The following DLC1 variants were observed in gnomAD, a reference collection of about 807,000 sequenced individuals.
DLC1 encodes the protein DLC1 Rho GTPase activating protein.
A neutral mutation model predicts 140.3 loss-of-function variants in DLC1; 54 were observed. The ratio of observed to expected loss-of-function variants is 0.38; its 90% CI spans 0.31 to 0.48. The LOEUF (loss-of-function observed/expected upper bound fraction) is 0.48, where lower values mean the gene tolerates loss of function less well. Ranked by LOEUF, DLC1 falls within the 20% of genes least tolerant of loss-of-function variation. DLC1 has a pLI of 0.96. For synonymous variants in DLC1, 986 were observed against 728.1 expected, an observed-to-expected ratio of 1.35 and a Z score of -5.70; for missense variants, 2,536 against 1,907.0, an observed-to-expected ratio of 1.33 and a Z score of -6.14.
chr8:13,376,691 T>G (rs530157726), intron 4 of DLC1, among the ~76,000 whole-genome samples: 15 of 152,328 alleles, frequency 9.8e-5, no homozygotes, highest in Non-Finnish European at 1.3e-4. Context: ...TTTGTGTCTT[T>G]CTGTAGAATT....
At chr8:13,429,712 A>G (rs926986068) in intron 2 of DLC1, among the ~76,000 whole-genome samples, 4 of 152,188 alleles carry the variant, frequency 2.6e-5, no homozygotes, top group African/African-American at 4.8e-5. Context: ...TCTTGTTAGT[A>G]TCTATTTGGA....
At chr8:13,237,197 A>ATGTG (rs376660880) in intron 5 of DLC1, among the ~76,000 whole-genome samples, 56,226 of 137,948 alleles carry the variant, frequency 0.41, 11,639 homozygotes, top group Middle Eastern at 0.49. Context: ...ATATATATAT[A>ATGTG]TGTGTGTGTG....
At chr8:13,593,656 G>A (rs527890994) in intron 1 of DLC1, among the ~76,000 whole-genome samples, 4 of 152,114 alleles carry the variant, frequency 2.6e-5, no homozygotes, top group South Asian at 2.1e-4. Context: ...ATGGAACCCC[G>A]CCCGATTCAT....
intron 2 of DLC1, among the ~76,000 whole-genome samples, chr8:13,424,467 C>G (rs148204682): frequency 1.3e-5 from 2 of 151,866 alleles, no homozygotes; most frequent in Admixed American, 1.3e-4. Flanking sequence ...CCAGCCTGGG[C>G]GACAGAGAGA....
chr8:13,222,823 A>G (rs992926220), intron 5 of DLC1, among the ~76,000 whole-genome samples: 2 of 152,156 alleles, frequency 1.3e-5, no homozygotes, highest in African/African-American at 4.8e-5. Flanking sequence ...AGCTCACTGT[A>G]GCCACAACCT....
Position 13,532,501 on chromosome 8 carries a change from G to C in DLC1, c.-125-32305C>G, listed in dbSNP as rs79603719. On this transcript the variant is annotated intron_variant, in intron 1 of 1. Transcript: ENST00000631382. ...TTCCATGTACAGATAAAGTAACTGA[G>C]GCTGAATGCTTAACTCACTTGTCAG... 8.9e-3 allele frequency among the ~76,000 whole-genome samples: 1,356 copies of C among 152,346 alleles called. 24 individuals carry two copies. The highest frequency in any genetic ancestry group is 0.032 in the African/African-American group (1,310 of 41,576).
intron 2 of DLC1, among the ~76,000 whole-genome samples, chr8:13,447,871 T>C (rs775096557): frequency 1.7e-4 from 26 of 152,080 alleles, no homozygotes; most frequent in Non-Finnish European, 3.4e-4. Flanking sequence ...TTCTCAAACA[T>C]AAAAATACCC....
intron 5 of DLC1, among the ~76,000 whole-genome samples, chr8:13,281,587 A>G (rs747724984): frequency 2.0e-5 from 3 of 152,234 alleles, no homozygotes; most frequent in Non-Finnish European, 2.9e-5. Flanking sequence ...CTGGGGTTCT[A>G]TGCTTAGAAA....
chr8:13,378,311 A>G (rs1191018327), intron 4 of DLC1, among the ~76,000 whole-genome samples: 1 of 151,468 alleles, frequency 6.6e-6, no homozygotes, highest in Non-Finnish European at 1.5e-5. Context: ...AGTCCTTTGA[A>G]AGGCCCCACA....
intron 4 of DLC1, among the ~76,000 whole-genome samples, chr8:13,318,637 TAACA>T (rs1399867962): frequency 6.6e-6 from 1 of 152,136 alleles, no homozygotes; most frequent in Non-Finnish European, 1.5e-5. Flanking sequence ...TAATTGCTAG[TAACA>T]AACAAACAAA....
chr8:13,200,189 T>G (rs918432695), intron 5 of DLC1, among the ~76,000 whole-genome samples: 1 of 151,954 alleles, frequency 6.6e-6, no homozygotes, highest in Admixed American at 6.6e-5. Context: ...ATTACAGGTG[T>G]ATGCTACCAC....
intron 5 of DLC1, among the ~76,000 whole-genome samples, chr8:13,155,114 T>C (rs984580445): frequency 1.4e-5 from 2 of 147,164 alleles, no homozygotes; most frequent in Non-Finnish European, 3.0e-5. Flanking sequence ...CTATGCAAAC[T>C]TTCTACAACT....
At position 13,200,100 on chromosome 8, in the gene DLC1, T is replaced by A. The variant is rs536561972; in HGVS notation, c.1349-84443A>T. 3.3e-5 allele frequency among the ~76,000 whole-genome samples: 5 copies of A among 152,272 alleles called. No individual in the cohort carries two copies. In the South Asian group the frequency reaches 1.0e-3, roughly 32 times the overall value. ...CACTGTTGCCTGGGCTTGAGTGCAA[T>A]GGCGTGATCTCTGCTCACTGCAACC... On this transcript the variant is annotated intron_variant, in intron 5 of 17. Coordinates refer to ENST00000276297, the MANE Select transcript of DLC1 (RefSeq NM_182643.3).
intron 8 of DLC1, 60 bp downstream of exon 8, chr8:13,102,730 C>G (rs1819199338): frequency 4.2e-6 from 6 of 1,421,628 alleles, no homozygotes; most frequent in Non-Finnish European, 6.0e-6. Context: ...CAAAACACAT[C>G]ATTCACTTTT....
intron 7 of DLC1, among the ~76,000 whole-genome samples, chr8:13,105,589 CTTCT>C (rs1819495660): frequency 6.6e-6 from 1 of 150,406 alleles, no homozygotes; most frequent in South Asian, 2.1e-4. Context: ...CTTTCTTTTT[CTTCT>C]TTTTTTTTTT....
At chr8:13,200,939 G>T (rs1827348467) in intron 5 of DLC1, among the ~76,000 whole-genome samples, 1 of 152,104 alleles carries the variant, frequency 6.6e-6, no homozygotes, top group Non-Finnish European at 1.5e-5. Flanking sequence ...CCTAGGTTTG[G>T]CTCTGAATCT....
At chr8:13,236,043 A>G (rs1829261456) in intron 5 of DLC1, among the ~76,000 whole-genome samples, 2 of 151,996 alleles carry the variant, frequency 1.3e-5, no homozygotes. Context: ...TATGGAACCC[A>G]TTTTTCAAAT....
intron 1 of DLC1, among the ~76,000 whole-genome samples, chr8:13,512,883 G>A (rs1563412542): frequency 6.6e-6 from 1 of 150,764 alleles, no homozygotes; most frequent in Non-Finnish European, 1.5e-5. Flanking sequence ...ACTGTAAAGT[G>A]TTTATTGAAG....
chr8:13,488,439 A>G (rs931458245), intron 2 of DLC1, among the ~76,000 whole-genome samples: 9 of 152,244 alleles, frequency 5.9e-5, no homozygotes, highest in African/African-American at 2.2e-4. Flanking sequence ...TGAAATCTAG[A>G]TAATTGTTTA....
Sources: allele counts gnomAD v4.1 joint callset (sites outside exome capture counted in the v4.1 genomes callset), GRCh38; gene constraint gnomAD v4.1.1; transcripts MANE v1.5; gene names NCBI Gene and HGNC (gene_info 2026-07-23, HGNC 2026-07-21).